The following IGFN1 variants were observed in gnomAD, a reference collection of about 807,000 sequenced individuals.
The protein encoded by IGFN1 is immunoglobulin-like and fibronectin type III domain-containing protein 1.
In IGFN1, 253 loss-of-function variants were observed where a neutral mutation model predicts 289.5. The observed-to-expected ratio is 0.87, with a 90% CI of 0.79 to 0.97. IGFN1 has a LOEUF of 0.97. Among genes scored for constraint, IGFN1 ranks in the 50% least tolerant of loss-of-function variants. The pLI, the probability that IGFN1 is intolerant of heterozygous loss-of-function variation, is 0.00. For missense variants in IGFN1, 4,470 were observed against 4,686.1 expected (o/e 0.95, Z 1.35); for synonymous variants, 1,706 against 1,788.5 (o/e 0.95, Z 1.16).
intron 1 of IGFN1, among the ~76,000 whole-genome samples, chr1:201,192,188 T>C (rs1346492293): frequency 6.6e-6 from 1 of 152,238 alleles, no homozygotes; most frequent in African/African-American, 2.4e-5. Flanking sequence ...GGCGAGGGGC[T>C]GCCAGGGGTC....
chr1:201,215,902 C>G (rs1653224021), intron 15 of IGFN1, 64 bp downstream of exon 15: 1 of 1,492,888 alleles, frequency 6.7e-7, no homozygotes, highest in Admixed American at 1.9e-5. Context: ...CCCTCCCTGC[C>G]ATCAAGGGCA....
intron 1 of IGFN1, among the ~76,000 whole-genome samples, chr1:201,192,049 G>C (rs1006239546): frequency 2.6e-5 from 4 of 152,224 alleles, no homozygotes; most frequent in African/African-American, 7.2e-5. Context: ...CTCATCCGTT[G>C]GTGGCTGCCT....
chr1:201,222,696 T>C (rs553400065), intron 19 of IGFN1, 43 bp from the exon 20 acceptor site: 3 of 1,473,956 alleles, frequency 2.0e-6, no homozygotes, highest in South Asian at 2.3e-5. Flanking sequence ...GGGGTCCAAC[T>C]GTGAGGGAGG....
chr1:201,203,708 GCC>G, intron 9 of IGFN1, 28 bp from the exon 10 acceptor site: 1 of 1,548,776 alleles, frequency 6.5e-7, no homozygotes, highest in Non-Finnish European at 8.7e-7. Context: ...ACCCACTGAG[GCC>G]CGCCTCCTCT....
chr1:201,217,212 C>T lies in IGFN1; in HGVS notation c.9596-75C>T, dbSNP rs565978315. ...TGGCCTGTCCCAGATGCCTGTGCCC[C>T]CTACCCCCAGGGGCTCCCCATGAGC... is the stretch of plus-strand genomic sequence containing the variant. On this transcript the variant is annotated intron_variant, in intron 16 of 23. Coordinates refer to ENST00000335211, the MANE Select transcript of IGFN1 (RefSeq NM_001164586.2). 9 of 1,392,008 alleles carry T rather than the reference C, an allele frequency of 6.5e-6. No homozygotes were observed. In the East Asian group the frequency reaches 9.2e-5, roughly 14 times the overall value. The allele number at this position is 1,392,008 out of a possible 1,614,324, so 86.2% of individuals were successfully genotyped here.
rs1251155120 is a variant in IGFN1, at chr1:201,207,854, T to C, written c.2961T>C (p.His987=). 2 of 1,535,948 alleles carry C rather than the reference T, an allele frequency of 1.3e-6. No individual in the cohort carries two copies. Among genetic ancestry groups the C allele is most frequent in the South Asian group, 2.4e-5 (2 of 83,970 alleles). Residue 987 remains histidine, a synonymous_variant, in exon 12 of 24, where the codon CAT becomes CAC. Coordinates refer to ENST00000335211, the MANE Select transcript of IGFN1 (RefSeq NM_001164586.2). ...SGVPGEMGSG[H]GAGCRVSPRA... ...TTCCAGGAGAAATGGGGTCCGGCCA[T>C]GGTGCTGGTTGTAGAGTTTCCCCTA...
chr1:201,196,085 C>CTAGG, intron 4 of IGFN1, 107 bp downstream of exon 4: 1 of 1,129,400 alleles, frequency 8.9e-7, no homozygotes, highest in Non-Finnish European at 1.2e-6. Context: ...ACATACTCCT[C>CTAGG]GTTGAGGTTG....
intron 9 of IGFN1, among the ~76,000 whole-genome samples, chr1:201,202,097 A>G (rs1667190480): frequency 1.3e-5 from 2 of 152,130 alleles, no homozygotes; most frequent in Admixed American, 1.3e-4. Context: ...CTAACACCAG[A>G]GCACGGGGGT....
Position 201,213,473 on chromosome 1 carries a change from T to C in IGFN1, c.8580T>C (p.Asp2860=), listed in dbSNP as rs1558151845. ...GCCTGGAGGAGATGCTGAATGAAGA[T>C]CAGAGCCGGGAGCCCCCTGGTCACC... is the stretch of plus-strand genomic sequence containing the variant. ...WGCLEEMLNE[D]QSREPPGHLG... is the part of the protein sequence containing the mutation. The change falls in exon 12 of 24, where the codon GAT becomes GAC. Residue 2860 remains aspartate, a synonymous_variant. Coordinates refer to ENST00000335211, the MANE Select transcript of IGFN1 (RefSeq NM_001164586.2). The C allele has an allele frequency of 6.2e-7, 1 of 1,613,902 alleles. No homozygotes were observed. The highest frequency in any genetic ancestry group is 1.1e-5 in the South Asian group (1 of 91,064).
rs1393890709 is a variant in IGFN1 at position 201,211,876 on chromosome 1, G to A, written c.6983G>A (p.Gly2328Glu). 6.5e-7 allele frequency: 1 copy of A among 1,532,704 alleles called. No individual in the cohort carries two copies. The highest frequency in any genetic ancestry group is 1.4e-5 in the African/African-American group (1 of 72,892). The allele number at this position is 1,532,704 out of a possible 1,614,324, so 94.9% of individuals were successfully genotyped here. Reference sequence around the variant, plus strand: ...GCAGGTTCTAGGCAAGGCTTTGGGGGAACTAGTGGCATGGGGTCAGGGAGT... The same window carrying A: ...GCAGGTTCTAGGCAAGGCTTTGGGGAAACTAGTGGCATGGGGTCAGGGAGT... ...NEAGSRQGFG[G>E]TSGMGSGSEV... The change falls in exon 12 of 24, where the codon GGA becomes GAA. Residue 2328 changes from glycine to glutamate, a missense_variant. By Grantham distance (98) the Gly-to-Glu change is moderately conservative. Coordinates refer to ENST00000335211, the MANE Select transcript of IGFN1 (RefSeq NM_001164586.2).
intron 14 of IGFN1, 123 bp downstream of exon 14, chr1:201,215,277 C>T (rs1653147208): frequency 1.8e-6 from 2 of 1,122,224 alleles, no homozygotes; most frequent in Non-Finnish European, 2.5e-6. Context: ...CTAATCTCAT[C>T]CCCAGAGAAG....
Position 201,222,830 on chromosome 1 carries a change from G to C in IGFN1, c.10290+3G>C, listed in dbSNP as rs1469248086. 1.9e-6 allele frequency: 3 copies of C among 1,607,664 alleles called. No homozygotes were observed. Among genetic ancestry groups the C allele is most frequent in the Non-Finnish European group, 2.6e-6 (3 of 1,175,242 alleles). Reference sequence around the variant, plus strand: ...TTCGTGTGCCCGTCTCCTTTGAAGTGAGTGTACCTGCAGGGGTGTGGGGAG... The same window carrying C: ...TTCGTGTGCCCGTCTCCTTTGAAGTCAGTGTACCTGCAGGGGTGTGGGGAG... On this transcript the variant is annotated splice_donor_region_variant and intron_variant, in intron 20 of 23. Coordinates refer to ENST00000335211, the MANE Select transcript of IGFN1 (RefSeq NM_001164586.2).
In IGFN1 at chr1:201,215,075, G is replaced by T. The variant is rs200103792; in HGVS notation, c.8916G>T (p.Thr2972=). The T allele has an allele frequency of 3.7e-6, 6 of 1,614,050 alleles. No homozygotes were observed. The highest frequency in any genetic ancestry group is 3.3e-5 in the South Asian group (3 of 91,080). The part of the protein sequence containing the change: ...QDGLVHSLFI[T]HVQGTQAGRY... ...GTCTCGTGCACAGCCTCTTCATCAC[G>T]CATGTGCAGGGGACCCAAGCTGGGA... Residue 2972 remains threonine (T), a synonymous_variant, in exon 14 of 24, where the codon ACG becomes ACT. Transcript: ENST00000335211.
rs1394859804 is a variant in IGFN1 at position 201,213,196 on chromosome 1, A to C, written c.8303A>C (p.Gln2768Pro). The change falls in exon 12 of 24, where the codon CAG (glutamine) becomes CCG (proline). Residue 2768 changes from glutamine to proline, a missense_variant. By Grantham distance (76) the Gln-to-Pro change is moderately conservative. Around this residue, in one of 8 missense-constraint regions of IGFN1, gnomAD observed 2,218 missense variants for 2,114.1 expected, o/e 1.05. Coordinates refer to ENST00000335211, the MANE Select transcript of IGFN1 (RefSeq NM_001164586.2). ...CTGAGCTCTCAGCGAGGCAAGGGAC[A>C]GAGAGGAGGAAAGAGGTCCCTCGGG... ...QDLSSQRGKG[Q>P]RGGKRSLGEQ... The C allele has an allele frequency of 2.6e-6, 4 of 1,551,564 alleles. No homozygotes were observed. The highest frequency in any genetic ancestry group is 3.9e-5 in the Admixed American group (2 of 50,982).
rs902257661 is a variant in IGFN1 at position 201,211,955 on chromosome 1, T to C, written c.7062T>C (p.Gly2354=). ...GATCTGGGGAAACGGGACCAGAGGGTAAGATGGGTTATGGAGATGGTTCAG... is the reference window on the plus strand; with the variant it reads ...GATCTGGGGAAACGGGACCAGAGGGCAAGATGGGTTATGGAGATGGTTCAG... ...SGGSGETGPE[G]KMGYGDGSGR... Residue 2354 remains glycine (G), a synonymous_variant, in exon 12 of 24, where the codon GGT becomes GGC. Coordinates refer to ENST00000335211, the MANE Select transcript of IGFN1 (RefSeq NM_001164586.2). 1.0e-5 allele frequency: 16 copies of C among 1,529,768 alleles called. No homozygotes were observed. In the African/African-American group the frequency reaches 1.4e-4, roughly 13 times the overall value. 94.8% of individuals were successfully genotyped at this position (1,529,768 alleles called of 1,614,324 possible).
Position 201,213,632 on chromosome 1 carries a change from C to T in IGFN1, c.8728+11C>T, listed in dbSNP as rs976256162. On this transcript the variant is annotated intron_variant, in intron 12 of 23. Coordinates refer to ENST00000335211, the MANE Select transcript of IGFN1 (RefSeq NM_001164586.2). ...CCAAGGATGCCCAAGGTAGGTGCTT[C>T]TCTGCTGAGCTGGCTCCCATGGGCT... The T allele has an allele frequency of 1.2e-6, 2 of 1,608,692 alleles. No homozygotes were observed. Among genetic ancestry groups the T allele is most frequent in the Non-Finnish European group, 1.7e-6 (2 of 1,175,966 alleles).
In IGFN1 at chr1:201,207,942, G is replaced by A. The variant is rs1196851183; in HGVS notation, c.3049G>A (p.Gly1017Arg). The A allele has an allele frequency of 1.5e-5, 23 of 1,536,758 alleles. No homozygotes were observed. The highest frequency in any genetic ancestry group is 2.7e-5 in the African/African-American group (2 of 72,974). ...GTACAGGCATGGCTCCGGAGCGCCT[G>A]GGGGAGTGTGGTCTGGAAATGAAGA... ...GGYRHGSGAP[G>R]GVWSGNEDSG... Residue 1017 changes from glycine (G) to arginine (R), a missense_variant, in exon 12 of 24, where the codon GGG becomes AGG. This residue lies in a region of IGFN1 where 2,011 missense variants were observed against 1,953.4 expected (regional missense o/e 1.03). Transcript: ENST00000335211.
In IGFN1 at chr1:201,225,895, C is replaced by G. The variant is rs1654052596; in HGVS notation, c.10558C>G (p.Pro3520Ala). 1.2e-6 allele frequency: 2 copies of G among 1,612,538 alleles called. No individual in the cohort carries two copies. Among genetic ancestry groups the G allele is most frequent in the Non-Finnish European group, 1.7e-6 (2 of 1,179,420 alleles). The change falls in exon 22 of 24, where the codon CCC becomes GCC. Residue 3520 changes from proline (P) to alanine (A), a missense_variant. By Grantham distance (27) the Pro-to-Ala change is conservative. This residue lies in a region of IGFN1 where 2,218 missense variants were observed against 2,114.1 expected (regional missense o/e 1.05). Transcript: ENST00000335211. ...VPGTVTAEWEPSPDEAQDVPL... is the reference protein window; with the variant it reads ...VPGTVTAEWEASPDEAQDVPL... ...TGGGACGGTGACGGCCGAGTGGGAA[C>G]CCTCTCCTGACGAGGCCCAGGATGT...
Position 201,212,247 on chromosome 1 carries a change from G to A in IGFN1, c.7354G>A (p.Gly2452Arg). Residue 2452 changes from glycine (G) to arginine (R), a missense_variant, in exon 12 of 24, where the codon GGA becomes AGA. Transcript: ENST00000335211. ...LRGTGVLGSQ[G>R]GRQTLSDERG... ...GGGCACAGGGGTGCTGGGGTCTCAG[G>A]GAGGGCGACAGACTCTTTCAGATGA... is the stretch of plus-strand genomic sequence containing the variant. 6.5e-7 allele frequency: 1 copy of A among 1,535,134 alleles called. No individual in the cohort carries two copies. Among genetic ancestry groups the A allele is most frequent in the Non-Finnish European group, 8.7e-7 (1 of 1,146,068 alleles).
Sources: gnomAD v4.1 joint callset for allele counts (sites outside exome capture counted in the v4.1 genomes callset) on GRCh38, gnomAD v4.1.1 for gene constraint, gnomAD v4.1.1 regional missense constraint, MANE v1.5 for transcripts, NCBI Gene and HGNC (gene_info 2026-07-23, HGNC 2026-07-21) for gene names.